TARBP1: variants seen among roughly 807,000 people sequenced by gnomAD.
The protein encoded by TARBP1 is tRNA guanosine 2 -O-methyltransferase TARBP1.
In TARBP1, 144 loss-of-function variants were observed where a neutral mutation model predicts 178.6. The ratio of observed to expected loss-of-function variants is 0.81; its 90% CI spans 0.70 to 0.93. The LOEUF (loss-of-function observed/expected upper bound fraction) is 0.93. Ranked by LOEUF, TARBP1 falls within the 40% of genes least tolerant of loss-of-function variation. The pLI, the probability that TARBP1 is intolerant of heterozygous loss-of-function variation, is 0.00. For missense variants in TARBP1, 2,067 were observed against 2,011.7 expected, an observed-to-expected ratio of 1.03 and a Z score of -0.53; for synonymous variants, 787 against 781.0, an observed-to-expected ratio of 1.01 and a Z score of -0.13.
At position 234,429,249 on chromosome 1, in the gene TARBP1, T is replaced by G. The variant is rs975437200; in HGVS notation, c.2947A>C (p.Thr983Pro). Residue 983 changes from threonine (T) to proline (P), a missense_variant, in exon 17 of 30, where the codon ACT becomes CCT. Transcript: ENST00000040877. ...AWKIISSLSN[T>P]QLIFWANLKA... ...AAATTAGCCCAGAATATCAGCTGAG[T>G]GTTGCTTAAAGAAGATATAATTTTC... 1 of 1,609,562 alleles carries G rather than the reference T, an allele frequency of 6.2e-7. No individual in the cohort carries two copies. Among genetic ancestry groups the G allele is most frequent in the Non-Finnish European group, 8.5e-7 (1 of 1,179,042 alleles).
intron 1 of TARBP1, among the ~76,000 whole-genome samples, chr1:234,474,949 C>T (rs1669444043): frequency 6.6e-6 from 1 of 152,170 alleles, no homozygotes; most frequent in African/African-American, 2.4e-5. Context: ...GAAGGCGCTC[C>T]AAGAATGGAA....
At position 234,393,839 on chromosome 1, in the gene TARBP1, T is replaced by C. The variant is rs1221349418; in HGVS notation, c.4244-2A>G. The C allele has an allele frequency of 6.3e-7, 1 of 1,594,914 alleles. No homozygotes were observed. The highest frequency in any genetic ancestry group is 8.6e-7 in the Non-Finnish European group (1 of 1,167,794). On this transcript the variant is annotated splice_acceptor_variant, in intron 26 of 29. Coordinates refer to ENST00000040877, the MANE Select transcript of TARBP1 (RefSeq NM_005646.4). LOFTEE classifies it high-confidence loss of function. ...TATCTGCTTCGACCAAATTAGTACC[T>C]GGGAAGGAAAAAGAAAACAATCCCA...
intron 17 of TARBP1, among the ~76,000 whole-genome samples, chr1:234,428,717 TG>T (rs1181819392): frequency 6.6e-6 from 1 of 152,118 alleles, no homozygotes; most frequent in Non-Finnish European, 1.5e-5. Flanking sequence ...GGCTAATTTT[TG>T]TATTTTTAGT....
chr1:234,419,041 G>A (rs918311159), intron 21 of TARBP1, among the ~76,000 whole-genome samples: 3 of 151,988 alleles, frequency 2.0e-5, no homozygotes, highest in African/African-American at 7.2e-5. Context: ...GTGAGGTGGT[G>A]GGCGCCTGTA....
Position 234,418,097 on chromosome 1 carries a change from T to C in TARBP1, c.3692A>G (p.Asp1231Gly), listed in dbSNP as rs777137601. The part of the protein sequence containing the change: ...KFPQFLPKFW[D>G]CFSYGEENLK... The stretch of plus-strand genomic sequence containing the variant: ...TTCTTTACTTACATAAGAAAAACAA[T>C]CCCAGAACTTTGGAAGAAATTGAGG... Residue 1231 changes from aspartate to glycine, a missense_variant, in exon 22 of 30, where the codon GAT becomes GGT. Asp to Gly is a moderately conservative substitution (Grantham distance 94, BLOSUM62 -1). Transcript: ENST00000040877. 15 of 1,391,106 alleles carry C rather than the reference T, an allele frequency of 1.1e-5. No homozygotes were observed. The highest frequency in any genetic ancestry group is 1.3e-5 in the Non-Finnish European group (14 of 1,041,064). 86.2% of individuals were successfully genotyped at this position (1,391,106 alleles called of 1,614,324 possible).
chr1:234,437,749 A>G (rs1191206178), intron 12 of TARBP1, among the ~76,000 whole-genome samples: 4 of 152,234 alleles, frequency 2.6e-5, no homozygotes, highest in Admixed American at 6.5e-5. Flanking sequence ...CCTCCTCCCA[A>G]TTGTAACCAG....
In TARBP1 at chr1:234,433,547, A is replaced by T; in HGVS notation, c.2257T>A (p.Leu753Ile). The change falls in exon 14 of 30, where the codon TTA becomes ATA. Residue 753 changes from leucine to isoleucine, a missense_variant. Coordinates refer to ENST00000040877, the MANE Select transcript of TARBP1 (RefSeq NM_005646.4). ...NSVSDLDRCH[L>I]YLMVLTELIN... ...AGCTCAGTTAACACCATCAGGTATA[A>T]ATGGCAACGATCCAGATCTGAAACC... 1.9e-6 allele frequency: 3 copies of T among 1,613,202 alleles called. No homozygotes were observed. The highest frequency in any genetic ancestry group is 2.7e-5 in the African/African-American group (2 of 74,972).
chr1:234,473,611 G>C (rs1326347651), intron 1 of TARBP1, among the ~76,000 whole-genome samples: 1 of 152,296 alleles, frequency 6.6e-6, no homozygotes, highest in East Asian at 1.9e-4. Context: ...GCAGAATCTG[G>C]CCAGCCCAGG....
intron 23 of TARBP1, 69 bp from the exon 24 acceptor site, chr1:234,406,168 A>C (rs937950812): frequency 9.2e-6 from 13 of 1,407,584 alleles, no homozygotes; most frequent in Non-Finnish European, 1.3e-5. Flanking sequence ...TGTATGACAC[A>C]AAAAAAGTAC....
In TARBP1 at chr1:234,447,127, C is replaced by T. The variant is rs1388203349; in HGVS notation, c.1962-152G>A. 7.4e-6 allele frequency: 6 copies of T among 805,930 alleles called. No individual in the cohort carries two copies. In the South Asian group the frequency reaches 8.1e-5, roughly 11 times the overall value. 49.9% of individuals were successfully genotyped at this position (805,930 alleles called of 1,614,324 possible). ...CCCAGACAACCAGCAGCTATGAGGA[C>T]TCATCTTCTGGTCCGTGCTTTCCCG... On this transcript the variant is annotated intron_variant, in intron 11 of 29. Transcript: ENST00000040877.
chr1:234,422,989 C>T (rs567933075), intron 20 of TARBP1, among the ~76,000 whole-genome samples: 44 of 152,322 alleles, frequency 2.9e-4, no homozygotes, highest in African/African-American at 1.0e-3. Flanking sequence ...CTCATTAAAA[C>T]AGAGTGCTGG....
At chr1:234,469,828 A>T (rs1668861404) in intron 3 of TARBP1, among the ~76,000 whole-genome samples, 1 of 152,274 alleles carries the variant, frequency 6.6e-6, no homozygotes, top group Non-Finnish European at 1.5e-5. Flanking sequence ...AAGGGCTTAT[A>T]AACACATTTG....
intron 22 of TARBP1, among the ~76,000 whole-genome samples, chr1:234,415,169 G>A (rs960021567): frequency 2.0e-5 from 3 of 152,074 alleles, no homozygotes; most frequent in African/African-American, 7.2e-5. Context: ...AAGCCAATGG[G>A]ACCATTTGGC....
At chr1:234,399,598 C>G (rs530318658) in intron 25 of TARBP1, among the ~76,000 whole-genome samples, 2 of 151,892 alleles carry the variant, frequency 1.3e-5, no homozygotes, top group Non-Finnish European at 2.9e-5. Flanking sequence ...ATGTTTATTG[C>G]GGCACTATTC....
At chr1:234,443,065 C>T (rs1455838116) in intron 12 of TARBP1, among the ~76,000 whole-genome samples, 1 of 152,118 alleles carries the variant, frequency 6.6e-6, no homozygotes, top group Admixed American at 6.5e-5. Context: ...TCGAGGCAGG[C>T]GGATCAGCTA....
chr1:234,423,322 T>G (rs931434197), intron 20 of TARBP1, among the ~76,000 whole-genome samples: 4 of 152,174 alleles, frequency 2.6e-5, no homozygotes, highest in African/African-American at 7.2e-5. Context: ...GGCCTCTCCC[T>G]GTCACTTTTC....
At chr1:234,395,068 AC>A (rs1449675758) in intron 26 of TARBP1, among the ~76,000 whole-genome samples, 1 of 151,026 alleles carries the variant, frequency 6.6e-6, no homozygotes, top group East Asian at 2.0e-4. Context: ...TACTAAAAAT[AC>A]AAACATTAGC....
chr1:234,443,037 T>A (rs1007402124), intron 12 of TARBP1, among the ~76,000 whole-genome samples: 1 of 152,138 alleles, frequency 6.6e-6, no homozygotes. Flanking sequence ...ATGCCTGTAA[T>A]CCTAGCACTT....
At position 234,467,604 on chromosome 1, in the gene TARBP1, T is replaced by A. The variant is rs1668578344; in HGVS notation, c.1146A>T (p.Arg382Ser). 1 of 1,609,560 alleles carries A rather than the reference T, an allele frequency of 6.2e-7. No homozygotes were observed. Among genetic ancestry groups the A allele is most frequent in the African/African-American group, 1.3e-5 (1 of 74,862 alleles). Residue 382 changes from arginine to serine, a missense_variant, in exon 4 of 30, where the codon AGA becomes AGT. Transcript: ENST00000040877. The stretch of plus-strand genomic sequence containing the variant: ...GGATTTTGTTTTCACTTTCAAACAT[T>A]CTTTTATAAATACACATATGCCAGG... ...HPSWHMCIYK[R>S]MFESENKILS...
Sources: gnomAD v4.1 joint callset for allele counts (sites outside exome capture counted in the v4.1 genomes callset) on GRCh38, gnomAD v4.1.1 for gene constraint, MANE v1.5 for transcripts, NCBI Gene and HGNC (gene_info 2026-07-23, HGNC 2026-07-21) for gene names.